Variants in RRP9 observed in about 807,000 individuals in gnomAD.
The protein encoded by RRP9 is ribosomal RNA processing 9, U3 small nucleolar RNA binding protein, also known as U3 small nucleolar RNA-interacting protein 2.
In RRP9, 35 loss-of-function variants were observed where a neutral mutation model predicts 65.5. That is an observed-to-expected ratio of 0.53 (90% CI 0.41 to 0.71). The LOEUF is 0.71. Among genes scored for constraint, RRP9 ranks in the 30% least tolerant of loss-of-function variants. The probability of loss-of-function intolerance (pLI) is 0.00; values close to 1 mark genes in which losing one functional copy is unlikely to be tolerated. For synonymous variants in RRP9, 254 were observed against 245.0 expected (o/e 1.04, Z -0.34); for missense variants, 533 against 633.6 (o/e 0.84, Z 1.70).
intron 8 of RRP9, among the ~76,000 whole-genome samples, chr3:51,936,056 T>A (rs903180147): frequency 6.6e-6 from 1 of 152,108 alleles, no homozygotes; most frequent in African/African-American, 2.4e-5. Flanking sequence ...CCTCGTTGAT[T>A]CCTGAGCAAG....
In RRP9 at chr3:51,937,604, G is replaced by C; in HGVS notation, c.349-18C>G. 6.2e-7 allele frequency: 1 copy of C among 1,614,186 alleles called. No individual in the cohort carries two copies. The highest frequency in any genetic ancestry group is 8.5e-7 in the Non-Finnish European group (1 of 1,180,040). On this transcript the variant is annotated intron_variant, in intron 4 of 14. Coordinates refer to ENST00000232888, the MANE Select transcript of RRP9 (RefSeq NM_004704.5). The surrounding 1 kb of genome is among the most constrained non-coding windows in gnomAD (Gnocchi z 5.0). Reference sequence around the variant, plus strand: ...TGCTCAAGCTGCATGGAGAAGAGATGGATGAGACCCTGGGAGCAGATCAGC... The same window carrying C: ...TGCTCAAGCTGCATGGAGAAGAGATCGATGAGACCCTGGGAGCAGATCAGC...
Position 51,934,477 on chromosome 3 carries a change from G to C in RRP9, c.1255C>G (p.Pro419Ala), listed in dbSNP as rs927117982. The stretch of plus-strand genomic sequence containing the variant: ...ATTCAAGCACACTCACTCACCAGGG[G>C]GATGTCACAGAGAAGGTCAAGCTGC... ...FRQLDLLCDIPLVGFINSLKF... is the reference protein window; with the variant it reads ...FRQLDLLCDIALVGFINSLKF... Residue 419 changes from proline (P) to alanine (A), a missense_variant, in exon 13 of 15, where the codon CCC becomes GCC. Pro to Ala is a conservative substitution (Grantham distance 27). This residue lies in a region of RRP9 where 449 missense variants were observed against 550.6 expected (regional missense o/e 0.82). Transcript: ENST00000232888. The surrounding 1 kb of genome is among the most constrained non-coding windows in gnomAD (Gnocchi z 4.1). The C allele has an allele frequency of 4.5e-5, 73 of 1,613,256 alleles. No individual in the cohort carries two copies. The highest frequency in any genetic ancestry group is 5.9e-5 in the Non-Finnish European group (70 of 1,179,590).
rs1395692932 is a variant in RRP9, at chr3:51,937,089, T to C, written c.517+103A>G. 1.2e-5 allele frequency: 18 copies of C among 1,452,654 alleles called. No individual in the cohort carries two copies. Among genetic ancestry groups the C allele is most frequent in the Non-Finnish European group, 1.6e-5 (17 of 1,060,452 alleles). 90.0% of individuals were successfully genotyped at this position (1,452,654 alleles called of 1,614,324 possible). A position where few individuals can be genotyped will look rare whatever the true frequency, so the allele number is the denominator to read the frequency against. On this transcript the variant is annotated intron_variant, in intron 6 of 14. Transcript: ENST00000232888. This position sits in a 1 kb window ranked among gnomAD's most constrained non-coding sequence, Gnocchi z 5.0. ...GGGCAGCAAACCTGCCTCCAGAGAC[T>C]TCCCCACTTCAGGGCTCAGCCTGCC...
rs561100900 is a variant in RRP9 at position 51,935,208 on chromosome 3, G to A, written c.1023C>T (p.Gly341=). The change falls in exon 11 of 15, where the codon GGC becomes GGT. Residue 341 remains glycine (G), a synonymous_variant. Transcript: ENST00000232888. The part of the protein sequence containing the change: ...HLINEEHMVS[G]ADDGSVALWG... ...AAAGGACCTCTTACCCATCGTCCGC[G>A]CCGGACACCATGTGCTCCTCATTGA... 67 of 1,613,906 alleles carry A rather than the reference G, an allele frequency of 4.2e-5. No homozygotes were observed. In the South Asian group the frequency reaches 5.3e-4, roughly 13 times the overall value.
Position 51,934,586 on chromosome 3 carries a change from C to A in RRP9, c.1181-35G>T, listed in dbSNP as rs373727974. On this transcript the variant is annotated intron_variant, in intron 12 of 14. Transcript: ENST00000232888. This position sits in a 1 kb window ranked among gnomAD's most constrained non-coding sequence, Gnocchi z 4.1. ...CTGGAACAGTGAGCAACCCCTGCAC[C>A]GGCCCACCCGGCGACCCCTCCTCCC... 2.5e-5 allele frequency: 40 copies of A among 1,613,410 alleles called. No homozygotes were observed. The South Asian group carries it at 4.1e-4, about 16-fold the overall frequency.
chr3:51,933,513 C>T lies in RRP9; in HGVS notation c.1421G>A (p.Gly474Asp), dbSNP rs1217236130. The change falls in exon 15 of 15, where the codon GGT becomes GAT. Residue 474 changes from glycine to aspartate, a missense_variant. Around this residue, in one of 3 missense-constraint regions of RRP9, gnomAD observed 449 missense variants for 550.6 expected, o/e 0.82. Coordinates refer to ENST00000232888, the MANE Select transcript of RRP9 (RefSeq NM_004704.5). ...ATAAGGAGGATAAGAGTGTCAGGAACCAGCAGCTGGGGGTACAGGGACCCT... is the reference window on the plus strand; with the variant it reads ...ATAAGGAGGATAAGAGTGTCAGGAATCAGCAGCTGGGGGTACAGGGACCCT... ...LRRVPVPPAA[G>D]S 6.2e-7 allele frequency: 1 copy of T among 1,613,568 alleles called. No individual in the cohort carries two copies. Among genetic ancestry groups the T allele is most frequent in the African/African-American group, 1.3e-5 (1 of 74,972 alleles).
chr3:51,936,517 G>A lies in RRP9; in HGVS notation c.556C>T (p.Arg186Ter), dbSNP rs368177262. ...TTTCCCTCGGCACCCTTCTTGGCTC[G>A]AGGAATCACATGCAGCTTCCGTCCA... ...ESGRKLHVIP[R>*]AKKGAEGKPP... Residue 186 changes from arginine (R) to a stop codon, truncating the protein, a stop_gained, in exon 7 of 15, where the codon CGA becomes TGA. Transcript: ENST00000232888. LOFTEE classifies it high-confidence loss of function. 5.6e-6 allele frequency: 9 copies of A among 1,614,016 alleles called. No individual in the cohort carries two copies. Among genetic ancestry groups the A allele is most frequent in the African/African-American group, 5.3e-5 (4 of 74,920 alleles).
At chr3:51,941,380 C>T (rs928334740) in intron 2 of RRP9, 29 bp downstream of exon 2, 2 of 1,592,500 alleles carry the variant, frequency 1.3e-6, no homozygotes, top group Admixed American at 3.3e-5. Flanking sequence ...TCAGTTTTCC[C>T]TCCCACTATG....
rs531910784 is a variant in RRP9 at position 51,936,356 on chromosome 3, G to A, written c.643-7C>T. Reference sequence around the variant, plus strand: ...TGCTGCGGTCACCAGAGGCCTGCAGGGATGAAGACAATGATCACAGGCACC... The same window carrying A: ...TGCTGCGGTCACCAGAGGCCTGCAGAGATGAAGACAATGATCACAGGCACC... On this transcript the variant is annotated splice_region_variant and splice_polypyrimidine_tract_variant and intron_variant, in intron 7 of 14. Transcript: ENST00000232888. 287 of 1,614,162 alleles carry A rather than the reference G, an allele frequency of 1.8e-4. 1 individual carries two copies. The South Asian group carries it at 2.4e-3, about 13-fold the overall frequency.
chr3:51,936,888 G>A (rs998356709), intron 6 of RRP9, among the ~76,000 whole-genome samples: 2 of 152,196 alleles, frequency 1.3e-5, no homozygotes, highest in Non-Finnish European at 2.9e-5. Flanking sequence ...AGGAGGACCG[G>A]GCACTCAATC....
chr3:51,933,551 G>T lies in RRP9; in HGVS notation c.1383C>A (p.Ile461=). The T allele has an allele frequency of 6.2e-7, 1 of 1,614,124 alleles. No homozygotes were observed. Among genetic ancestry groups the T allele is most frequent in the South Asian group, 1.1e-5 (1 of 91,086 alleles). Residue 461 remains isoleucine, a synonymous_variant, in exon 15 of 15, where the codon ATC becomes ATA. Transcript: ENST00000232888. ...RIKEARNSVC[I]IPLRRVPVPP... is the part of the protein sequence containing the mutation. ...GTACAGGGACCCTGCGGAGTGGGATGATGCAGACAGAATTCCGAGCCTCTT... is the reference window on the plus strand; with the variant it reads ...GTACAGGGACCCTGCGGAGTGGGATTATGCAGACAGAATTCCGAGCCTCTT...
At position 51,937,633 on chromosome 3, in the gene RRP9, A is replaced by AC; in HGVS notation, c.348+35dup. On this transcript the variant is annotated intron_variant, in intron 4 of 14. Transcript: ENST00000232888. The surrounding 1 kb of genome is among the most constrained non-coding windows in gnomAD (Gnocchi z 5.0). ...GAGACCCTGGGAGCAGATCAGCTCCACCCCCGTCCTCCCCCAACTCTCCCT... is the reference window on the plus strand; with the variant it reads ...GAGACCCTGGGAGCAGATCAGCTCCACCCCCCGTCCTCCCCCAACTCTCCCT... 1.2e-6 allele frequency: 2 copies of AC among 1,613,826 alleles called. No individual in the cohort carries two copies. Among genetic ancestry groups the AC allele is most frequent in the South Asian group, 2.2e-5 (2 of 91,078 alleles).
intron 2 of RRP9, among the ~76,000 whole-genome samples, chr3:51,940,861 T>G (rs1699514450): frequency 6.6e-6 from 1 of 152,134 alleles, no homozygotes; most frequent in African/African-American, 2.4e-5. Context: ...CACCTCAGAC[T>G]TTCCTCTGAT....
chr3:51,937,350 A>G lies in RRP9; in HGVS notation c.391-32T>C. On this transcript the variant is annotated intron_variant, in intron 5 of 14. Coordinates refer to ENST00000232888, the MANE Select transcript of RRP9 (RefSeq NM_004704.5). This position sits in a 1 kb window ranked among gnomAD's most constrained non-coding sequence, Gnocchi z 5.0. ...AGACAGGGGCCAGGTCACTGTGGCT[A>G]GTGGCATAAAGGCACTACCTTCACC... The G allele has an allele frequency of 6.2e-7, 1 of 1,613,646 alleles. No individual in the cohort carries two copies. The highest frequency in any genetic ancestry group is 8.5e-7 in the Non-Finnish European group (1 of 1,179,882).
In RRP9 at chr3:51,937,490, C is replaced by G. The variant is rs909267205; in HGVS notation, c.390+55G>C. The G allele has an allele frequency of 1.9e-6, 3 of 1,612,754 alleles. No homozygotes were observed. The highest frequency in any genetic ancestry group is 2.5e-6 in the Non-Finnish European group (3 of 1,178,788). ...ATAGGCCCAAGTGTCCACCATGTTC[C>G]AAGTGGGGCCCCCAATTCCCTCCAA... On this transcript the variant is annotated intron_variant, in intron 5 of 14. Coordinates refer to ENST00000232888, the MANE Select transcript of RRP9 (RefSeq NM_004704.5). This position sits in a 1 kb window ranked among gnomAD's most constrained non-coding sequence, Gnocchi z 5.0.
intron 3 of RRP9, 76 bp downstream of exon 3, chr3:51,938,019 G>A: frequency 8.0e-7 from 1 of 1,247,972 alleles, no homozygotes; most frequent in Non-Finnish European, 1.1e-6. Flanking sequence ...CCATCAAGTG[G>A]CTGGGGCTGC....
intron 11 of RRP9, 70 bp downstream of exon 11, chr3:51,935,127 T>G: frequency 6.6e-7 from 1 of 1,511,720 alleles, no homozygotes; most frequent in Non-Finnish European, 9.1e-7. Context: ...TGAGGCAAGC[T>G]CAGGGCCCCG....
intron 1 of RRP9, 72 bp downstream of exon 1, chr3:51,941,709 A>C: frequency 7.3e-7 from 1 of 1,375,494 alleles, no homozygotes; most frequent in African/African-American, 1.4e-5. Flanking sequence ...GCCGGGACCC[A>C]GGTCCCCTGG....
Position 51,934,440 on chromosome 3 carries a change from G to A in RRP9, c.1260+32C>T. On this transcript the variant is annotated intron_variant, in intron 13 of 14. Coordinates refer to ENST00000232888, the MANE Select transcript of RRP9 (RefSeq NM_004704.5). The surrounding 1 kb of genome is among the most constrained non-coding windows in gnomAD (Gnocchi z 4.1). Reference sequence around the variant, plus strand: ...CCAGGGGCCTAGGCAGTGTGGCAGAGACAGGCTGAGCATTCAAGCACACTC... The same window carrying A: ...CCAGGGGCCTAGGCAGTGTGGCAGAAACAGGCTGAGCATTCAAGCACACTC... 6.3e-7 allele frequency: 1 copy of A among 1,596,018 alleles called. No individual in the cohort carries two copies. The highest frequency in any genetic ancestry group is 8.6e-7 in the Non-Finnish European group (1 of 1,168,778).
Sources: allele counts gnomAD v4.1 joint callset (sites outside exome capture counted in the v4.1 genomes callset), GRCh38; gene constraint gnomAD v4.1.1; regional missense constraint gnomAD v4.1.1; non-coding constraint Gnocchi (gnomAD v3.1); transcripts MANE v1.5; gene names NCBI Gene and HGNC (gene_info 2026-07-23, HGNC 2026-07-21).